PMPCB: variants seen among roughly 807,000 people sequenced by gnomAD.
PMPCB encodes the protein mitochondrial-processing peptidase subunit beta.
PMPCB carries 46 observed loss-of-function variants against 61.5 expected under a neutral mutation model. The observed-to-expected ratio is 0.75, with a 90% CI of 0.59 to 0.96. The LOEUF (loss-of-function observed/expected upper bound fraction) is 0.96. Ranked by LOEUF, PMPCB falls within the 40% of genes least tolerant of loss-of-function variation. The pLI is 0.00. For synonymous variants in PMPCB, 191 were observed against 201.6 expected (o/e 0.95, Z 0.44); for missense variants, 590 against 602.4 (o/e 0.98, Z 0.22).
At chr7:103,335,498 A>G in the PMPCB span, 1 of 152,006 alleles carries the variant, frequency 6.6e-6, no homozygotes, top group African/African-American at 2.4e-5. Context: ...TGGCTAGAGA[A>G]TACATATTCA....
In PMPCB at chr7:103,325,459, A is replaced by AC. The variant is rs564064554; in HGVS notation, c.*1432-3472_*1432-3471insC. 2.4e-3 allele frequency among the ~76,000 whole-genome samples: 366 copies of AC among 151,916 alleles called. 3 individuals are homozygous for AC. The highest frequency in any genetic ancestry group is 3.8e-3 in the Non-Finnish European group (258 of 67,922). ...CTCAAAATAAAAAAGGAAAAAAAAA[A>AC]AACCAAAAAACAGGTGAAATCCAAG... is the stretch of plus-strand genomic sequence containing the variant. On this transcript the variant is annotated intron_variant and NMD_transcript_variant, in intron 12 of 12. Coordinates refer to the PMPCB transcript ENST00000444457.
intron 2 of PMPCB, among the ~76,000 whole-genome samples, chr7:103,299,227 T>C (rs960503259): frequency 3.3e-5 from 5 of 152,208 alleles, no homozygotes; most frequent in African/African-American, 7.2e-5. Flanking sequence ...AGAATCCTCA[T>C]TGAAGGTGGC....
At chr7:103,304,614 T>C in intron 6 of PMPCB, 124 bp downstream of exon 6, 1 of 711,028 alleles carries the variant, frequency 1.4e-6, no homozygotes, top group Non-Finnish European at 2.5e-6. Context: ...ACTGATAGTG[T>C]GTAAGGGGAA....
the PMPCB span, among the ~76,000 whole-genome samples, chr7:103,344,074 CTT>C: frequency 2.0e-5 from 3 of 152,184 alleles, no homozygotes; most frequent in Admixed American, 2.0e-4. Context: ...GCAGCACAGT[CTT>C]TGAACACCGA....
At chr7:103,305,702 A>G (rs1306853961) in intron 6 of PMPCB, among the ~76,000 whole-genome samples, 1 of 152,242 alleles carries the variant, frequency 6.6e-6, no homozygotes, top group Non-Finnish European at 1.5e-5. Flanking sequence ...CCTGGCGGGT[A>G]ATGGAGAAGA....
intron 12 of PMPCB, among the ~76,000 whole-genome samples, chr7:103,324,280 C>A (rs939688600): frequency 2.0e-5 from 3 of 152,116 alleles, no homozygotes; most frequent in Non-Finnish European, 4.4e-5. Context: ...TCATTTTTTA[C>A]TACTATCATG....
rs1817880111 is a variant in PMPCB at position 103,313,592 on chromosome 7, G to A, written c.*1321G>A. On this transcript the variant is annotated 3_prime_UTR_variant, in exon 13 of 13. Coordinates refer to ENST00000249269, the MANE Select transcript of PMPCB (RefSeq NM_004279.3). ...AAGGAAACAAACCTAGCAAAATTAA[G>A]CCAAGTGCCCAAGGTACCAGTGCTG... 1.0e-6 allele frequency: 1 copy of A among 983,016 alleles called. No homozygotes were observed. The highest frequency in any genetic ancestry group is 6.1e-5 in the Admixed American group (1 of 16,264). The allele number at this position is 983,016 out of a possible 1,614,324, so 60.9% of individuals were successfully genotyped here.
chr7:103,307,627 A>G lies in PMPCB; in HGVS notation c.768A>G (p.Ala256=), dbSNP rs147242062. 3.1e-4 allele frequency: 498 copies of G among 1,613,022 alleles called. 5 individuals are homozygous for G. The East Asian group carries it at 0.011, about 36-fold the overall frequency. The change falls in exon 7 of 13, where the codon GCA becomes GCG. Residue 256 remains alanine, a synonymous_variant. Coordinates refer to ENST00000249269, the MANE Select transcript of PMPCB (RefSeq NM_004279.3). The part of the protein sequence containing the change: ...GVSHDELLDL[A]KFHFGDSLCT... ...CCCATGATGAATTGCTTGACTTAGC[A>G]AAGTTTCATTTCGGTGACTCTTTAT...
rs114075654 is a variant in PMPCB at position 103,325,125 on chromosome 7, A to C, written c.*1432-3806A>C. ...TCATTACACAGAAAAATATACTACT[A>C]CTTTTTACCACCTCAGCACTGCTAT... is the stretch of plus-strand genomic sequence containing the variant. On this transcript the variant is annotated intron_variant and NMD_transcript_variant, in intron 12 of 12. Transcript: ENST00000444457. Among the ~76,000 whole-genome samples the C allele has an allele frequency of 3.8e-3, 581 of 152,182 alleles. 4 individuals carry two copies. Among genetic ancestry groups the C allele is most frequent in the African/African-American group, 0.014 (572 of 41,514 alleles).
chr7:103,322,187 G>T, intron 12 of PMPCB: 2 of 869,574 alleles, frequency 2.3e-6, no homozygotes, highest in African/African-American at 1.7e-5. Context: ...AGGAAAAAAG[G>T]CAACATAAAC....
rs751941395 is a variant in PMPCB, at chr7:103,313,276, T to G, written c.*1005T>G. On this transcript the variant is annotated 3_prime_UTR_variant, in exon 13 of 13. Transcript: ENST00000249269. ...CTCTGAGTGTTAATAAGAGAAAAAA[T>G]TTCAGATAGCTCACATCCCAGAAAA... 27 of 1,341,016 alleles carry G rather than the reference T, an allele frequency of 2.0e-5. No homozygotes were observed. Among genetic ancestry groups the G allele is most frequent in the Non-Finnish European group, 2.4e-5 (25 of 1,050,402 alleles). 83.1% of individuals were successfully genotyped at this position (1,341,016 alleles called of 1,614,324 possible).
intron 4 of PMPCB, among the ~76,000 whole-genome samples, chr7:103,301,901 G>A (rs1422279700): frequency 3.3e-5 from 5 of 151,892 alleles, no homozygotes; most frequent in African/African-American, 9.7e-5. Flanking sequence ...TGCTGCACCC[G>A]TTAACTCGTC....
At chr7:103,340,955 T>C in the PMPCB span, among the ~76,000 whole-genome samples, 2 of 152,196 alleles carry the variant, frequency 1.3e-5, no homozygotes, top group East Asian at 3.8e-4. Flanking sequence ...CATCCCAGCA[T>C]TGGTTACTGA....
At position 103,314,329 on chromosome 7, in the gene PMPCB, A is replaced by C; in HGVS notation, c.*2058A>C. The C allele has an allele frequency of 2.0e-6, 2 of 985,440 alleles. No individual in the cohort carries two copies. Among genetic ancestry groups the C allele is most frequent in the Non-Finnish European group, 2.4e-6 (2 of 829,904 alleles). The allele number at this position is 985,440 out of a possible 1,614,324, so 61.0% of individuals were successfully genotyped here. On this transcript the variant is annotated 3_prime_UTR_variant, in exon 13 of 13. Coordinates refer to ENST00000249269, the MANE Select transcript of PMPCB (RefSeq NM_004279.3). Reference sequence around the variant, plus strand: ...ACTCCTATGAGAAATCACTATTCAAAAAATGGTGCCAGCTTGCTGTTTAAT... The same window carrying C: ...ACTCCTATGAGAAATCACTATTCAACAAATGGTGCCAGCTTGCTGTTTAAT...
downstream of PMPCB, among the ~76,000 whole-genome samples, chr7:103,319,379 G>A (rs1262637870): frequency 6.6e-6 from 1 of 151,760 alleles, no homozygotes; most frequent in Non-Finnish European, 1.5e-5. Flanking sequence ...GGAGGTTGTA[G>A]TGAGCCAAGA....
At chr7:103,324,697 G>T (rs765524515) in intron 12 of PMPCB, 61 of 898,772 alleles carry the variant, frequency 6.8e-5, no homozygotes, top group Non-Finnish European at 9.3e-5. Context: ...TCTACAACTC[G>T]AAGATGGAGC....
chr7:103,332,356 A>G (rs1014063649), downstream of PMPCB, among the ~76,000 whole-genome samples: 19 of 152,244 alleles, frequency 1.2e-4, no homozygotes, highest in African/African-American at 4.6e-4. Context: ...TCATTATATT[A>G]ATAGGAATTG....
chr7:103,344,760 C>T, the PMPCB span: 1 of 835,900 alleles, frequency 1.2e-6, no homozygotes, highest in Middle Eastern at 3.5e-4. Flanking sequence ...CGCATGGAGA[C>T]GACCAGTAAG....
intron 2 of PMPCB, 53 bp from the exon 3 acceptor site, chr7:103,299,390 C>A: frequency 9.0e-7 from 1 of 1,116,070 alleles, no homozygotes. Context: ...CTGTTCCCCC[C>A]AACCTCAAAT....
Sources: gnomAD v4.1 joint callset for allele counts (sites outside exome capture counted in the v4.1 genomes callset) on GRCh38, gnomAD v4.1.1 for gene constraint, MANE v1.5 for transcripts, NCBI Gene and HGNC (gene_info 2026-07-23, HGNC 2026-07-21) for gene names.